The following PSME4 variants were observed in gnomAD, a reference collection of about 807,000 sequenced individuals.
PSME4 encodes proteasome activator subunit 4.
Under a neutral mutation model 253.9 loss-of-function variants are expected in PSME4, and 89 were observed. The observed-to-expected ratio is 0.35, with a 90% confidence interval of 0.30 to 0.42. PSME4 has a LOEUF of 0.42. PSME4 is among the 10% of genes least tolerant of loss of function. The pLI, the probability that PSME4 is intolerant of heterozygous loss-of-function variation, is 1.00. For missense variants in PSME4, 2,014 were observed against 2,195.2 expected (o/e 0.92, Z 1.65); for synonymous variants, 851 against 759.2 (o/e 1.12, Z -1.99).
intron 1 of PSME4, among the ~76,000 whole-genome samples, chr2:53,969,269 T>TCA (rs1670907748): frequency 6.6e-6 from 1 of 152,234 alleles, no homozygotes. Flanking sequence ...GGGAGAGCTG[T>TCA]TAACCTTGAC....
intron 3 of PSME4, among the ~76,000 whole-genome samples, chr2:53,940,949 A>ATAAATATT (rs1325188349): frequency 7.6e-5 from 1 of 13,228 alleles, no homozygotes; most frequent in Non-Finnish European, 1.3e-4. Context: ...AAATATATAT[A>ATAAATATT]TACATATATA....
rs1678468860 is a variant in PSME4, at chr2:53,864,338, A to G, written c.*1240T>C. Reference sequence around the variant, plus strand: ...CAACCCAGAAGATACCTTTCACTCTATAAACTTGTCATAGGCAAACATGTG... The same window carrying G: ...CAACCCAGAAGATACCTTTCACTCTGTAAACTTGTCATAGGCAAACATGTG... On this transcript the variant is annotated 3_prime_UTR_variant, in exon 47 of 47. Coordinates refer to ENST00000404125, the MANE Select transcript of PSME4 (RefSeq NM_014614.3). 6.6e-6 allele frequency: 1 copy of G among 152,600 alleles called. No individual in the cohort carries two copies. The highest frequency in any genetic ancestry group is 6.5e-5 in the Admixed American group (1 of 15,278). 9.5% of individuals were successfully genotyped at this position (152,600 alleles called of 1,614,324 possible). A position where few individuals can be genotyped will look rare whatever the true frequency, so the allele number is the denominator to read the frequency against.
chr2:53,949,341 C>G lies in PSME4; in HGVS notation c.243-58G>C. 6.0e-6 allele frequency: 7 copies of G among 1,157,772 alleles called. No homozygotes were observed. In the South Asian group the frequency reaches 1.2e-4, roughly 21 times the overall value. The allele number at this position is 1,157,772 out of a possible 1,614,324, so 71.7% of individuals were successfully genotyped here. The stretch of plus-strand genomic sequence containing the variant: ...ATAGGTATGATGACACATCCATGTT[C>G]AATGCAGCATTATCCATAGAAGCCA... On this transcript the variant is annotated intron_variant, in intron 1 of 46. Coordinates refer to ENST00000404125, the MANE Select transcript of PSME4 (RefSeq NM_014614.3).
chr2:53,943,504 C>T (rs1284756496), intron 3 of PSME4, among the ~76,000 whole-genome samples: 1 of 152,104 alleles, frequency 6.6e-6, no homozygotes, highest in Non-Finnish European at 1.5e-5. Flanking sequence ...TTTTCATTGC[C>T]ACTTCACTCA....
chr2:53,941,600 A>C (rs1669457935), intron 3 of PSME4, among the ~76,000 whole-genome samples: 1 of 152,128 alleles, frequency 6.6e-6, no homozygotes, highest in Non-Finnish European at 1.5e-5. Context: ...AACATTTTAT[A>C]TCAGAGTAAC....
intron 10 of PSME4, among the ~76,000 whole-genome samples, chr2:53,929,603 T>G (rs1450585104): frequency 6.6e-6 from 1 of 152,172 alleles, no homozygotes; most frequent in Non-Finnish European, 1.5e-5. Flanking sequence ...TTATTTTTTT[T>G]TTTTTTAATG....
In PSME4 at chr2:53,895,669, G is replaced by A; in HGVS notation, c.3756C>T (p.Asp1252=). 1 of 1,613,444 alleles carries A rather than the reference G, an allele frequency of 6.2e-7. No individual in the cohort carries two copies. The highest frequency in any genetic ancestry group is 8.5e-7 in the Non-Finnish European group (1 of 1,179,686). Residue 1252 remains aspartate, a synonymous_variant, in exon 33 of 47, where the codon GAC becomes GAT. Transcript: ENST00000404125. ...DRPDNHWLHY[D]SKTIPRTKKE... The stretch of plus-strand genomic sequence containing the variant: ...TTTTAGTTCTTGGTATAGTTTTGCT[G>A]TCATAATGCAACCAATGATTATCAG...
At chr2:53,867,974 A>G (rs954400111) in intron 44 of PSME4, among the ~76,000 whole-genome samples, 4 of 152,174 alleles carry the variant, frequency 2.6e-5, no homozygotes, top group Admixed American at 2.6e-4. Context: ...GTGGTTTCAA[A>G]TTCTCAGTTC....
intron 22 of PSME4, 44 bp downstream of exon 22, chr2:53,908,740 C>G: frequency 6.6e-7 from 1 of 1,510,536 alleles, no homozygotes; most frequent in Non-Finnish European, 9.1e-7. Context: ...TTCCAAAATA[C>G]TTATTCCAAA....
chr2:53,927,427 T>A lies in PSME4; in HGVS notation c.1560A>T (p.Ser520=). 6.3e-7 allele frequency: 1 copy of A among 1,594,354 alleles called. No homozygotes were observed. The highest frequency in any genetic ancestry group is 8.6e-7 in the Non-Finnish European group (1 of 1,162,070). Residue 520 remains serine (S), a synonymous_variant, in exon 12 of 47, where the codon TCA becomes TCT. Transcript: ENST00000404125. The part of the protein sequence containing the change: ...FSTLVPLVDC[S]SVLQERNDLT... ...GGTCATTTCTTTCTTGTAGTACAGA[T>A]GAACAATCTACTAAAGGCACCAGAG...
At chr2:53,961,894 C>T (rs1454540303) in intron 1 of PSME4, among the ~76,000 whole-genome samples, 1 of 152,198 alleles carries the variant, frequency 6.6e-6, no homozygotes, top group African/African-American at 2.4e-5. Flanking sequence ...GTCCGGTTTC[C>T]ACTTGCTAGA....
intron 40 of PSME4, among the ~76,000 whole-genome samples, chr2:53,886,738 G>A (rs1291345429): frequency 6.6e-6 from 1 of 152,094 alleles, no homozygotes; most frequent in Non-Finnish European, 1.5e-5. Context: ...ACTCAAACAG[G>A]TACTTATACA....
At chr2:53,964,326 A>AT (rs1670621395) in intron 1 of PSME4, among the ~76,000 whole-genome samples, 1 of 152,244 alleles carries the variant, frequency 6.6e-6, no homozygotes, top group African/African-American at 2.4e-5. Flanking sequence ...TTGCTCTCAG[A>AT]AATAAAATTT....
intron 20 of PSME4, among the ~76,000 whole-genome samples, chr2:53,912,832 G>T (rs1328007826): frequency 6.6e-6 from 1 of 152,164 alleles, no homozygotes; most frequent in Non-Finnish European, 1.5e-5. Context: ...AAAATATCAT[G>T]ACTGTATCTC....
At chr2:53,940,035 T>C (rs1363850164) in intron 3 of PSME4, 35 bp from the exon 4 acceptor site, 15 of 1,475,010 alleles carry the variant, frequency 1.0e-5, no homozygotes, top group Non-Finnish European at 1.4e-5. Flanking sequence ...ATTAGATTGG[T>C]GTATTTTAAG....
chr2:53,970,239 G>A (rs1670992155), intron 1 of PSME4, among the ~76,000 whole-genome samples: 1 of 152,164 alleles, frequency 6.6e-6, no homozygotes, highest in South Asian at 2.1e-4. Context: ...TCTCCCTCGG[G>A]GCCGGGGCCC....
intron 3 of PSME4, among the ~76,000 whole-genome samples, chr2:53,943,843 T>C (rs868075966): frequency 8.8e-4 from 46 of 52,448 alleles, no homozygotes; most frequent in African/African-American, 3.7e-3. Flanking sequence ...AAAAACTCCA[T>C]CTCAAAAAAA....
chr2:53,889,707 A>C (rs1679816096), intron 37 of PSME4, among the ~76,000 whole-genome samples: 1 of 152,240 alleles, frequency 6.6e-6, no homozygotes, highest in Non-Finnish European at 1.5e-5. Context: ...CTGGTATAAA[A>C]AATAATACCT....
Position 53,864,369 on chromosome 2 carries a change from A to G in PSME4, c.*1209T>C, listed in dbSNP as rs191650771. 6.5e-6 allele frequency: 1 copy of G among 152,686 alleles called. No homozygotes were observed. The highest frequency in any genetic ancestry group is 6.5e-5 in the Admixed American group (1 of 15,282). 9.5% of individuals were successfully genotyped at this position (152,686 alleles called of 1,614,324 possible). ...TTGTCATAGGCAAACATGTGGTGTT[A>G]GCATTGAGAGATGCACACAAAAATG... On this transcript the variant is annotated 3_prime_UTR_variant, in exon 47 of 47. Transcript: ENST00000404125.
Sources: gnomAD v4.1 joint callset for allele counts (sites outside exome capture counted in the v4.1 genomes callset) on GRCh38, gnomAD v4.1.1 for gene constraint, MANE v1.5 for transcripts, NCBI Gene and HGNC (gene_info 2026-07-23, HGNC 2026-07-21) for gene names.